The following MAGI3 variants were observed in gnomAD, a reference collection of about 807,000 sequenced individuals.
MAGI3 encodes the protein membrane-associated guanylate kinase, WW and PDZ domain-containing protein 3.
A neutral mutation model predicts 121.8 loss-of-function variants in MAGI3; 43 were observed. The observed-to-expected ratio is 0.35, with a 90% CI of 0.28 to 0.46. The LOEUF (loss-of-function observed/expected upper bound fraction) is 0.46. Among genes scored for constraint, MAGI3 ranks in the 20% least tolerant of loss-of-function variants. The pLI is 1.00. For missense variants in MAGI3, 1,547 were observed against 1,797.3 expected (o/e 0.86, Z 2.52); for synonymous variants, 553 against 639.3 (o/e 0.86, Z 2.04).
At chr1:113,461,467 A>G (rs1046514694) in intron 1 of MAGI3, among the ~76,000 whole-genome samples, 2 of 152,204 alleles carry the variant, frequency 1.3e-5, no homozygotes, top group Admixed American at 1.3e-4. Flanking sequence ...AAAACAAGCA[A>G]TGGGGAAAAG....
intron 2 of MAGI3, among the ~76,000 whole-genome samples, chr1:113,555,032 T>C (rs1455477175): frequency 6.6e-6 from 1 of 150,920 alleles, no homozygotes; most frequent in African/African-American, 2.4e-5. Context: ...ATAAATTACA[T>C]GCAAGGGAAC....
intron 1 of MAGI3, among the ~76,000 whole-genome samples, chr1:113,529,280 T>A (rs1023736316): frequency 9.2e-5 from 14 of 152,156 alleles, no homozygotes; most frequent in African/African-American, 3.4e-4. Flanking sequence ...ATAAACTGAG[T>A]GGTTCAAACA....
intron 1 of MAGI3, among the ~76,000 whole-genome samples, chr1:113,456,591 T>TAC (rs1654769864): frequency 6.6e-6 from 1 of 152,224 alleles, no homozygotes; most frequent in Non-Finnish European, 1.5e-5. Flanking sequence ...ACATAAGTTA[T>TAC]ACATTGAATT....
At chr1:113,611,809 T>C (rs1170103135) in intron 6 of MAGI3, among the ~76,000 whole-genome samples, 2 of 152,204 alleles carry the variant, frequency 1.3e-5, no homozygotes, top group Non-Finnish European at 2.9e-5. Flanking sequence ...ATAAAATTCA[T>C]TTCCCTTTGC....
At chr1:113,482,060 GT>G in intron 1 of MAGI3, among the ~76,000 whole-genome samples, 1 of 151,096 alleles carries the variant, frequency 6.6e-6, no homozygotes, top group East Asian at 1.9e-4. Flanking sequence ...ATTAATTTAT[GT>G]AATAAACTTA....
intron 1 of MAGI3, among the ~76,000 whole-genome samples, chr1:113,523,445 T>C (rs1048221396): frequency 6.6e-6 from 1 of 152,140 alleles, no homozygotes; most frequent in Non-Finnish European, 1.5e-5. Flanking sequence ...TTGACCGAAA[T>C]GCTGGTAATG....
chr1:113,649,221 T>A lies in MAGI3; in HGVS notation c.2156-16T>A. The A allele has an allele frequency of 6.3e-7, 1 of 1,586,068 alleles. No individual in the cohort carries two copies. Among genetic ancestry groups the A allele is most frequent in the Non-Finnish European group, 8.6e-7 (1 of 1,161,176 alleles). ...TAAAATAAATCATAGTATTTATATTTTCTGATTTTCCTCAGCACCAAACAC... is the reference window on the plus strand; with the variant it reads ...TAAAATAAATCATAGTATTTATATTATCTGATTTTCCTCAGCACCAAACAC... On this transcript the variant is annotated splice_polypyrimidine_tract_variant and intron_variant, in intron 12 of 20. Transcript: ENST00000307546.
intron 15 of MAGI3, among the ~76,000 whole-genome samples, chr1:113,657,593 C>T (rs1302708486): frequency 6.6e-6 from 1 of 152,162 alleles, no homozygotes; most frequent in East Asian, 1.9e-4. Context: ...CTAGAAAGAA[C>T]ACTATGTTTG....
intron 7 of MAGI3, among the ~76,000 whole-genome samples, chr1:113,618,924 T>G (rs1650652634): frequency 1.3e-5 from 2 of 152,236 alleles, no homozygotes; most frequent in Admixed American, 6.5e-5. Flanking sequence ...CTAAACATCT[T>G]TTTTACAGCA....
intron 1 of MAGI3, among the ~76,000 whole-genome samples, chr1:113,405,416 G>C (rs1318152253): frequency 6.9e-6 from 1 of 145,400 alleles, no homozygotes; most frequent in Non-Finnish European, 1.5e-5. Context: ...GCAGGTCGAG[G>C]CTGCAGTGAG....
intron 1 of MAGI3, chr1:113,450,067 T>C (rs1311935107): frequency 2.0e-6 from 3 of 1,536,158 alleles, no homozygotes; most frequent in Non-Finnish European, 2.7e-6. Flanking sequence ...TTGAGAGACT[T>C]CTTTGAAAAG....
Position 113,606,505 on chromosome 1 carries a change from G to A in MAGI3, c.1019-8096G>A, listed in dbSNP as rs185998522. Among the ~76,000 whole-genome samples, 771 of 151,726 alleles carry A rather than the reference G, an allele frequency of 5.1e-3. 4 individuals carry two copies. Among genetic ancestry groups the A allele is most frequent in the African/African-American group, 0.018 (747 of 41,376 alleles). On this transcript the variant is annotated intron_variant, in intron 6 of 20. Transcript: ENST00000307546. ...TCAGTTCAGTTTTCTGCCTTTTCTTGTTTTCTTTTGTAGAAAGCATTTATT... is the reference window on the plus strand; with the variant it reads ...TCAGTTCAGTTTTCTGCCTTTTCTTATTTTCTTTTGTAGAAAGCATTTATT...
chr1:113,425,940 C>T lies in MAGI3; in HGVS notation c.316+34591C>T, dbSNP rs535541774. ...GCTTTTATCTTTATTTCCTTTCTTACGCTTTTTTGGGTTTATTTAGCTCTT... is the reference window on the plus strand; with the variant it reads ...GCTTTTATCTTTATTTCCTTTCTTATGCTTTTTTGGGTTTATTTAGCTCTT... On this transcript the variant is annotated intron_variant, in intron 1 of 20. Transcript: ENST00000307546. Among the ~76,000 whole-genome samples the T allele has an allele frequency of 4.8e-4, 73 of 152,092 alleles. 1 individual carries two copies. Among genetic ancestry groups the T allele is most frequent in the Non-Finnish European group, 7.9e-4 (54 of 67,980 alleles).
In MAGI3 at chr1:113,556,295, A is replaced by G. The variant is rs544354378; in HGVS notation, c.433+6664A>G. ...TCATTCTTTGAGATCAATAAAAGTGATAAACCTCTAGCTAGACTGCTTAGG... is the reference window on the plus strand; with the variant it reads ...TCATTCTTTGAGATCAATAAAAGTGGTAAACCTCTAGCTAGACTGCTTAGG... On this transcript the variant is annotated intron_variant, in intron 2 of 20. Coordinates refer to ENST00000307546, the MANE Select transcript of MAGI3 (RefSeq NM_001142782.2). Among the ~76,000 whole-genome samples the G allele has an allele frequency of 9.8e-5, 15 of 152,318 alleles. No homozygotes were observed. The South Asian group carries it at 2.5e-3, about 25-fold the overall frequency.
intron 1 of MAGI3, among the ~76,000 whole-genome samples, chr1:113,466,393 T>C (rs1304616012): frequency 6.6e-6 from 1 of 152,184 alleles, no homozygotes; most frequent in Non-Finnish European, 1.5e-5. Flanking sequence ...TTTGCTAGTA[T>C]TTTGTTGAGG....
chr1:113,567,813 C>T (rs886600004), intron 2 of MAGI3, among the ~76,000 whole-genome samples: 5 of 152,084 alleles, frequency 3.3e-5, no homozygotes, highest in African/African-American at 9.6e-5. Context: ...AGCAAGGATG[C>T]CTGGTCTTGC....
Position 113,646,642 on chromosome 1 carries a change from C to A in MAGI3, c.2155C>A (p.Pro719Thr). 1 of 1,581,190 alleles carries A rather than the reference C, an allele frequency of 6.3e-7. No homozygotes were observed. Among genetic ancestry groups the A allele is most frequent in the Admixed American group, 1.9e-5 (1 of 53,734 alleles). ...LKSKTLYEDK[P>T]PNTKDLDVFL... ...ATCTAAGACTTTATATGAAGATAAA[C>A]GTAAGTAGTTGTGGAATATTTCAGG... Residue 719 changes from proline to threonine, a missense_variant and splice_region_variant, in exon 12 of 21, where the codon CCA becomes ACA. Coordinates refer to ENST00000307546, the MANE Select transcript of MAGI3 (RefSeq NM_001142782.2).
chr1:113,571,704 G>GTATAGGAATGCTT (rs1647299251), intron 2 of MAGI3, among the ~76,000 whole-genome samples: 1 of 152,098 alleles, frequency 6.6e-6, no homozygotes, highest in Non-Finnish European at 1.5e-5. Flanking sequence ...GCCTATCATT[G>GTATAGGAATGCTT]GTGTATAGGA....
intron 1 of MAGI3, among the ~76,000 whole-genome samples, chr1:113,516,515 T>A (rs954457462): frequency 9.2e-5 from 13 of 141,456 alleles, no homozygotes; most frequent in Non-Finnish European, 1.9e-4. Flanking sequence ...GCAAAAAAAA[T>A]AAATAGAATA....
Sources: allele counts gnomAD v4.1 joint callset (sites outside exome capture counted in the v4.1 genomes callset), GRCh38; gene constraint gnomAD v4.1.1; transcripts MANE v1.5; gene names NCBI Gene and HGNC (gene_info 2026-07-23, HGNC 2026-07-21).